Variants in HIBADH observed in about 807,000 individuals in gnomAD.
The protein encoded by HIBADH is 3-hydroxyisobutyrate dehydrogenase, mitochondrial.
In HIBADH, 25 loss-of-function variants were observed where a neutral mutation model predicts 36.1. The observed-to-expected ratio is 0.69, with a 90% CI of 0.50 to 0.97. HIBADH has a LOEUF of 0.97. HIBADH is among the 50% of genes least tolerant of loss of function. HIBADH has a pLI of 0.00. For missense variants in HIBADH, 421 were observed against 418.0 expected, an observed-to-expected ratio of 1.01 and a Z score of -0.06; for synonymous variants, 160 against 149.5, an observed-to-expected ratio of 1.07 and a Z score of -0.51.
chr7:27,624,969 T>TA (rs1168584842), intron 4 of HIBADH, among the ~76,000 whole-genome samples: 2 of 152,230 alleles, frequency 1.3e-5, no homozygotes, highest in African/African-American at 4.8e-5. Flanking sequence ...AGAATGCGAA[T>TA]ATTTTTTTAA....
At chr7:27,623,608 T>C (rs1785584419) in intron 4 of HIBADH, among the ~76,000 whole-genome samples, 1 of 151,666 alleles carries the variant, frequency 6.6e-6, no homozygotes, top group Non-Finnish European at 1.5e-5. Context: ...AAACCAAGAG[T>C]GATCTAGCCG....
intron 7 of HIBADH, among the ~76,000 whole-genome samples, chr7:27,530,499 G>A (rs907331964): frequency 8.6e-5 from 13 of 152,000 alleles, no homozygotes; most frequent in Admixed American, 2.6e-4. Context: ...GAGCTATCGC[G>A]CCTGGCCGTA....
intron 4 of HIBADH, among the ~76,000 whole-genome samples, chr7:27,613,155 A>G (rs1235150627): frequency 1.5e-3 from 13 of 8,948 alleles, no homozygotes; most frequent in South Asian, 6.9e-3. Context: ...TATTTTATAT[A>G]AATATATATA....
At position 27,651,498 on chromosome 7, in the gene HIBADH, C is replaced by T. The variant is rs1199177985; in HGVS notation, c.92-1865G>A. Among the ~76,000 whole-genome samples the T allele has an allele frequency of 2.0e-5, 3 of 152,170 alleles. No homozygotes were observed. The East Asian group carries it at 5.8e-4, about 29-fold the overall frequency. On this transcript the variant is annotated intron_variant, in intron 1 of 7. Transcript: ENST00000265395. ...AGTACACTTCATCAGAGAACTCTAA[C>T]TAATGCTCATAAACAAACTAGCAAT...
chr7:27,530,503 G>A (rs1583554772), intron 7 of HIBADH, among the ~76,000 whole-genome samples: 1 of 152,044 alleles, frequency 6.6e-6, no homozygotes, highest in East Asian at 1.9e-4. Flanking sequence ...TATCGCGCCT[G>A]GCCGTATTCT....
intron 4 of HIBADH, among the ~76,000 whole-genome samples, chr7:27,544,577 C>G (rs887019977): frequency 2.6e-5 from 4 of 152,086 alleles, no homozygotes; most frequent in Non-Finnish European, 4.4e-5. Context: ...GATGGTAAAC[C>G]ATTAATGTTT....
intron 4 of HIBADH, among the ~76,000 whole-genome samples, chr7:27,547,242 T>C (rs1044032864): frequency 2.0e-5 from 3 of 152,220 alleles, no homozygotes; most frequent in African/African-American, 7.2e-5. Flanking sequence ...TTGCCTGAAA[T>C]GTTCTTCCCC....
intron 5 of HIBADH, among the ~76,000 whole-genome samples, chr7:27,542,763 T>G (rs1406232949): frequency 6.6e-6 from 1 of 152,000 alleles, no homozygotes; most frequent in Non-Finnish European, 1.5e-5. Flanking sequence ...ATAATGGAAG[T>G]TTTTTAAATA....
rs1240856011 is a variant in HIBADH, at chr7:27,526,475, G to GA, written c.853-104dup. ...TTTGAAAGAAGGAAAAATGTAATCT[G>GA]AAAAAATAAGATACTTATAAATACT... On this transcript the variant is annotated intron_variant, in intron 7 of 7. Coordinates refer to ENST00000265395, the MANE Select transcript of HIBADH (RefSeq NM_152740.4). The GA allele has an allele frequency of 3.0e-5, 25 of 831,888 alleles. No homozygotes were observed. The African/African-American group carries it at 4.1e-4, about 13-fold the overall frequency. The allele number at this position is 831,888 out of a possible 1,614,324, so 51.5% of individuals were successfully genotyped here. A position where few individuals can be genotyped will look rare whatever the true frequency, so the allele number is the denominator to read the frequency against.
At chr7:27,538,983 C>A (rs1273257274) in intron 5 of HIBADH, among the ~76,000 whole-genome samples, 1 of 151,966 alleles carries the variant, frequency 6.6e-6, no homozygotes, top group African/African-American at 2.4e-5. Flanking sequence ...TGGGATGTTG[C>A]TGGAGATCAG....
intron 4 of HIBADH, among the ~76,000 whole-genome samples, chr7:27,599,680 CAAAAAAAAA>C (rs3072889): frequency 4.4e-4 from 18 of 41,072 alleles, no homozygotes; most frequent in Admixed American, 2.6e-3. Context: ...ACTCTGTCTC[CAAAAAAAAA>C]AAAAAAAAAA....
At chr7:27,653,779 G>C (rs1663827393) in intron 1 of HIBADH, among the ~76,000 whole-genome samples, 1 of 152,012 alleles carries the variant, frequency 6.6e-6, no homozygotes. Context: ...TCAGTGATAG[G>C]ATGAGAAAAA....
intron 4 of HIBADH, among the ~76,000 whole-genome samples, chr7:27,594,902 T>C (rs1395840407): frequency 1.3e-5 from 2 of 152,154 alleles, no homozygotes; most frequent in Admixed American, 6.5e-5. Flanking sequence ...AAAAGTAATC[T>C]AGATTTCTAC....
intron 4 of HIBADH, among the ~76,000 whole-genome samples, chr7:27,562,329 T>C (rs1483776232): frequency 6.6e-6 from 1 of 152,226 alleles, no homozygotes; most frequent in Non-Finnish European, 1.5e-5. Flanking sequence ...CCTTTAGACA[T>C]TCCTTGCTCA....
rs1005665412 is a variant in HIBADH, at chr7:27,565,484, T to C, written c.485-22384A>G. On this transcript the variant is annotated intron_variant, in intron 4 of 7. Coordinates refer to ENST00000265395, the MANE Select transcript of HIBADH (RefSeq NM_152740.4). ...TTAAAACACCAATGTTGATTGCTAGTATAGAGAAATATGATGAATTTCTGT... is the reference window on the plus strand; with the variant it reads ...TTAAAACACCAATGTTGATTGCTAGCATAGAGAAATATGATGAATTTCTGT... Among the ~76,000 whole-genome samples the C allele has an allele frequency of 2.0e-5, 3 of 152,212 alleles. No homozygotes were observed. In the East Asian group the frequency reaches 5.8e-4, roughly 29 times the overall value.
intron 3 of HIBADH, among the ~76,000 whole-genome samples, chr7:27,630,622 C>T (rs1339295861): frequency 6.6e-6 from 1 of 151,898 alleles, no homozygotes; most frequent in African/African-American, 2.4e-5. Flanking sequence ...TAAACATAAC[C>T]AGGCATGGTG....
chr7:27,647,039 T>C (rs1045845571), intron 2 of HIBADH, among the ~76,000 whole-genome samples: 1 of 152,142 alleles, frequency 6.6e-6, no homozygotes, highest in Non-Finnish European at 1.5e-5. Flanking sequence ...GTTTAATTTA[T>C]AAATTAGTCA....
At chr7:27,650,250 A>G (rs1411619778) in intron 1 of HIBADH, among the ~76,000 whole-genome samples, 1 of 149,100 alleles carries the variant, frequency 6.7e-6, no homozygotes, top group African/African-American at 2.5e-5. Context: ...CCACTCCCAC[A>G]GTTACAGAAA....
chr7:27,546,835 A>G (rs1784240992), intron 4 of HIBADH, among the ~76,000 whole-genome samples: 2 of 152,206 alleles, frequency 1.3e-5, no homozygotes, highest in Admixed American at 6.5e-5. Flanking sequence ...TGATTCAGCC[A>G]CTTCTCTCAC....
Sources: gnomAD v4.1 joint callset for allele counts (sites outside exome capture counted in the v4.1 genomes callset) on GRCh38, gnomAD v4.1.1 for gene constraint, MANE v1.5 for transcripts, NCBI Gene and HGNC (gene_info 2026-07-23, HGNC 2026-07-21) for gene names.